Variants in PRIM2 observed in about 807,000 individuals in gnomAD.
The protein encoded by PRIM2 is DNA primase subunit 2.
Under a neutral mutation model 67.3 loss-of-function variants are expected in PRIM2, and 39 were observed. The ratio of observed to expected loss-of-function variants is 0.58; its 90% CI spans 0.45 to 0.76. The LOEUF (loss-of-function observed/expected upper bound fraction) is 0.76, where lower values mean the gene tolerates loss of function less well. Among genes scored for constraint, PRIM2 ranks in the 30% least tolerant of loss-of-function variants. PRIM2 has a pLI of 0.00. For missense variants in PRIM2, 398 were observed against 598.7 expected (o/e 0.66, Z 3.50); for synonymous variants, 143 against 198.7 (o/e 0.72, Z 2.36).
chr6:57,294,629 A>T, the PRIM2 span, among the ~76,000 whole-genome samples: 2 of 151,368 alleles, frequency 1.3e-5, no homozygotes, highest in East Asian at 3.9e-4. Flanking sequence ...ATAAATATAT[A>T]CATATATAAC....
the PRIM2 span, among the ~76,000 whole-genome samples, chr6:57,240,089 C>CTGTTTTTTTTT: frequency 1.1e-5 from 1 of 92,072 alleles, no homozygotes; most frequent in Non-Finnish European, 1.9e-5. Context: ...GATCAATAAT[C>CTGTTTTTTTTT]TGTTTTTTTT....
chr6:57,242,046 G>A, the PRIM2 span, among the ~76,000 whole-genome samples: 1 of 152,132 alleles, frequency 6.6e-6, no homozygotes, highest in Non-Finnish European at 1.5e-5. Flanking sequence ...TGTGTCAACT[G>A]TAAAGTGACT....
intron 10 of PRIM2, among the ~76,000 whole-genome samples, chr6:57,543,570 T>C (rs1174251742): frequency 5.3e-5 from 8 of 152,324 alleles, no homozygotes; most frequent in Admixed American, 5.2e-4. Flanking sequence ...GAGACTGGTA[T>C]AATATCTCCA....
At chr6:57,437,031 G>A (rs1038246672) in intron 7 of PRIM2, among the ~76,000 whole-genome samples, 1 of 152,230 alleles carries the variant, frequency 6.6e-6, no homozygotes, top group African/African-American at 2.4e-5. Context: ...TCCACAGGCT[G>A]TACAGGAAGC....
chr6:57,315,179 A>G (rs1442322364), upstream of PRIM2, among the ~76,000 whole-genome samples: 1 of 152,230 alleles, frequency 6.6e-6, no homozygotes, highest in Admixed American at 6.5e-5. Flanking sequence ...GATCACAGAG[A>G]TGAACAAAAG....
intron 7 of PRIM2, among the ~76,000 whole-genome samples, chr6:57,402,391 A>G (rs1045051439): frequency 6.6e-6 from 1 of 152,204 alleles, no homozygotes; most frequent in African/African-American, 2.4e-5. Context: ...TTGATGAGAC[A>G]TAACCCTGGT....
chr6:57,513,846 G>T, intron 8 of PRIM2, among the ~76,000 whole-genome samples: 1 of 152,236 alleles, frequency 6.6e-6, no homozygotes, highest in Middle Eastern at 3.4e-3. Context: ...TGCACTCCAG[G>T]CTGGGCAACA....
At chr6:57,283,943 A>C in the PRIM2 span, among the ~76,000 whole-genome samples, 1 of 152,136 alleles carries the variant, frequency 6.6e-6, no homozygotes, top group African/African-American at 2.4e-5. Context: ...TAGGGTGATT[A>C]TTTAATTAAC....
chr6:57,261,054 G>A, the PRIM2 span, among the ~76,000 whole-genome samples: 3 of 152,164 alleles, frequency 2.0e-5, no homozygotes, highest in Admixed American at 1.3e-4. Context: ...TTTATGATAT[G>A]CAAGCCATGT....
At chr6:57,496,957 G>A (rs1554346434) in intron 7 of PRIM2, among the ~76,000 whole-genome samples, 1 of 152,104 alleles carries the variant, frequency 6.6e-6, no homozygotes, top group Non-Finnish European at 1.5e-5. Flanking sequence ...CTTACCTCAC[G>A]TGGGCTGTAA....
chr6:57,303,854 C>T, the PRIM2 span, among the ~76,000 whole-genome samples: 1 of 152,098 alleles, frequency 6.6e-6, no homozygotes, highest in Non-Finnish European at 1.5e-5. Flanking sequence ...AGGCTGGTCT[C>T]GAACTCGTGA....
chr6:57,448,506 G>A (rs563625065), intron 7 of PRIM2, among the ~76,000 whole-genome samples: 49 of 152,238 alleles, frequency 3.2e-4, no homozygotes, highest in Middle Eastern at 3.4e-3. Context: ...GAAAGTGCAC[G>A]CAGGGCAGTC....
intron 7 of PRIM2, among the ~76,000 whole-genome samples, chr6:57,454,718 A>T (rs1772696407): frequency 1.3e-5 from 2 of 151,894 alleles, no homozygotes; most frequent in South Asian, 2.1e-4. Context: ...AATTTTGTTG[A>T]TCTTTTCAAA....
the PRIM2 span, among the ~76,000 whole-genome samples, chr6:57,241,656 C>T: frequency 6.7e-6 from 1 of 148,826 alleles, no homozygotes; most frequent in Admixed American, 6.7e-5. Flanking sequence ...TACTAGATTA[C>T]TGTTTTAATA....
intron 7 of PRIM2, among the ~76,000 whole-genome samples, chr6:57,491,753 A>G (rs1249173538): frequency 2.0e-5 from 3 of 152,168 alleles, no homozygotes; most frequent in Non-Finnish European, 4.4e-5. Flanking sequence ...GATTGAGTGG[A>G]GTAGAATTTA....
At chr6:57,423,961 G>A (rs1051460249) in intron 7 of PRIM2, among the ~76,000 whole-genome samples, 1 of 152,194 alleles carries the variant, frequency 6.6e-6, no homozygotes, top group African/African-American at 2.4e-5. Flanking sequence ...ATACCTGTGA[G>A]CACATGTACC....
At chr6:57,456,352 G>A (rs1001301135) in intron 7 of PRIM2, among the ~76,000 whole-genome samples, 1 of 152,166 alleles carries the variant, frequency 6.6e-6, no homozygotes, top group Admixed American at 6.5e-5. Flanking sequence ...GATTGGGGAA[G>A]TTCTCCTGGA....
At chr6:57,412,922 A>G (rs200676274) in intron 7 of PRIM2, among the ~76,000 whole-genome samples, 1 of 152,184 alleles carries the variant, frequency 6.6e-6, no homozygotes, top group African/African-American at 2.4e-5. Context: ...ATAGAGTGAT[A>G]TAGAGTATAA....
chr6:57,254,538 C>A, the PRIM2 span, among the ~76,000 whole-genome samples: 1 of 152,216 alleles, frequency 6.6e-6, no homozygotes, highest in African/African-American at 2.4e-5. Context: ...GCTGATCGAG[C>A]TAGTGCCCTT....
Sources: allele counts gnomAD v4.1 joint callset (sites outside exome capture counted in the v4.1 genomes callset), GRCh38; gene constraint gnomAD v4.1.1; transcripts MANE v1.5; gene names NCBI Gene and HGNC (gene_info 2026-07-23, HGNC 2026-07-21).